The following HMCN2 variants were observed in gnomAD, a reference collection of about 807,000 sequenced individuals.
HMCN2 encodes hemicentin-2.
A neutral mutation model predicts 377.5 loss-of-function variants in HMCN2; 325 were observed. The ratio of observed to expected loss-of-function variants is 0.86; its 90% CI spans 0.79 to 0.94. The LOEUF (loss-of-function observed/expected upper bound fraction) is 0.94. HMCN2 is among the 40% of genes least tolerant of loss of function. HMCN2 has a pLI of 0.00. For synonymous variants in HMCN2, 2,007 were observed against 2,046.8 expected (o/e 0.98, Z 0.53); for missense variants, 4,543 against 4,725.3 (o/e 0.96, Z 1.13).
At position 130,354,828 on chromosome 9, in the gene HMCN2, G is replaced by A. The variant is rs940646509; in HGVS notation, c.4930G>A (p.Val1644Met). The A allele has an allele frequency of 3.8e-6, 5 of 1,304,132 alleles. No individual in the cohort carries two copies. Among genetic ancestry groups the A allele is most frequent in the Non-Finnish European group, 5.1e-6 (5 of 988,936 alleles). The allele number at this position is 1,304,132 out of a possible 1,614,324, so 80.8% of individuals were successfully genotyped here. The change falls in exon 32 of 98, where the codon GTG becomes ATG. Residue 1644 changes from valine to methionine, a missense_variant. Val to Met is a conservative substitution (Grantham distance 21, BLOSUM62 1). This residue lies in a region of HMCN2 where 1,032 missense variants were observed against 1,285.1 expected (regional missense o/e 0.80). Transcript: ENST00000683500. ...YVVKAVAGRP[V>M]ALECVARGHP... ...GGTGAAGGCTGTGGCTGGGAGGCCT[G>A]TGGCGCTGGAGTGCGTGGCCAGAGG... is the stretch of plus-strand genomic sequence containing the variant.
Position 130,347,522 on chromosome 9 carries a change from G to T in HMCN2, c.4024+162G>T, listed in dbSNP as rs1370476148. On this transcript the variant is annotated intron_variant, in intron 26 of 97. Coordinates refer to ENST00000683500, the MANE Select transcript of HMCN2 (RefSeq NM_001291815.2). The surrounding 1 kb of genome is among the most constrained non-coding windows in gnomAD (Gnocchi z 5.1). The stretch of plus-strand genomic sequence containing the variant: ...AGGTGTGGCAGTGCCAGTTCCCCGG[G>T]GCCTGAAAGCTTCCTACACAGGAGA... Among the ~76,000 whole-genome samples, 1 of 152,190 alleles carries T rather than the reference G, an allele frequency of 6.6e-6. No individual in the cohort carries two copies. The highest frequency in any genetic ancestry group is 1.5e-5 in the Non-Finnish European group (1 of 68,036).
At position 130,306,113 on chromosome 9, in the gene HMCN2, A is replaced by C. The variant is rs1564768774; in HGVS notation, c.1817-16A>C. 1 of 470,730 alleles carries C rather than the reference A, an allele frequency of 2.1e-6. No homozygotes were observed. The highest frequency in any genetic ancestry group is 4.4e-6 in the Non-Finnish European group (1 of 226,902). 29.2% of individuals were successfully genotyped at this position (470,730 alleles called of 1,614,324 possible). On this transcript the variant is annotated splice_polypyrimidine_tract_variant and intron_variant, in intron 11 of 97. Transcript: ENST00000683500. ...CTGATGGGCTCATCCTCGCCTATCC[A>C]CTTTTTGGGTCACAGAGGCCCCACA...
At chr9:130,401,308 G>A (rs1247398843) in intron 77 of HMCN2, among the ~76,000 whole-genome samples, 2 of 152,204 alleles carry the variant, frequency 1.3e-5, no homozygotes, top group Admixed American at 6.5e-5. Flanking sequence ...TTTTCTTGAT[G>A]ATATTAAGAT....
At chr9:130,319,860 A>G (rs1463286583) in intron 16 of HMCN2, among the ~76,000 whole-genome samples, 165 bp downstream of exon 16, 1 of 152,012 alleles carries the variant, frequency 6.6e-6, no homozygotes, top group Non-Finnish European at 1.5e-5. Context: ...TGGCCAAGTC[A>G]TTCCACTACT....
At chr9:130,381,571 G>C (rs1272888487) in intron 54 of HMCN2, among the ~76,000 whole-genome samples, 1 of 152,154 alleles carries the variant, frequency 6.6e-6, no homozygotes, top group Non-Finnish European at 1.5e-5. Context: ...GTTTCGCCGT[G>C]TTGGCCAGGT....
chr9:130,403,242 A>G lies in HMCN2; in HGVS notation c.11927A>G (p.Glu3976Gly), dbSNP rs1318926878. Residue 3976 changes from glutamate to glycine, a missense_variant, in exon 79 of 98, where the codon GAG becomes GGG. By Grantham distance (98) the Glu-to-Gly change is moderately conservative. This residue lies in a region of HMCN2 where 1,073 missense variants were observed against 1,319.5 expected (regional missense o/e 0.81). Coordinates refer to ENST00000683500, the MANE Select transcript of HMCN2 (RefSeq NM_001291815.2). ...PLPSVVRAVA[E>G]EEVLLPCEAS... ...CCCAGCGTGGTTCGGGCAGTGGCAG[A>G]GGAGGAGGTGCTGCTGCCCTGCGAG... 1 of 1,289,752 alleles carries G rather than the reference A, an allele frequency of 7.8e-7. No homozygotes were observed. The allele number at this position is 1,289,752 out of a possible 1,614,324, so 79.9% of individuals were successfully genotyped here.
At chr9:130,339,179 C>A (rs1330832986) in intron 23 of HMCN2, among the ~76,000 whole-genome samples, 1 of 151,920 alleles carries the variant, frequency 6.6e-6, no homozygotes, top group East Asian at 2.0e-4. Flanking sequence ...CAGTGCGAGA[C>A]CCTGTCTCAA....
Position 130,418,876 on chromosome 9 carries a change from T to G in HMCN2, c.13066T>G (p.Trp4356Gly), listed in dbSNP as rs768462566. Residue 4356 changes from tryptophan (W) to glycine (G), a missense_variant, in exon 86 of 98, where the codon TGG (tryptophan) becomes GGG (glycine). Transcript: ENST00000683500. ...ATGEPTPTIE[W>G]LQAGQPLRAS... ...TGGAGAGCCCACACCCACCATTGAA[T>G]GGCTACAGGCGGGTCAACCCTTGCG... is the stretch of plus-strand genomic sequence containing the variant. 7.1e-6 allele frequency: 11 copies of G among 1,549,702 alleles called. No individual in the cohort carries two copies. The African/African-American group carries it at 1.5e-4, about 21-fold the overall frequency.
chr9:130,360,260 C>T lies in HMCN2; in HGVS notation c.5774-168C>T, dbSNP rs1242398488. Among the ~76,000 whole-genome samples the T allele has an allele frequency of 1.3e-5, 2 of 152,142 alleles. No individual in the cohort carries two copies. Among genetic ancestry groups the T allele is most frequent in the African/African-American group, 4.8e-5 (2 of 41,400 alleles). ...AGTTTCTCTTGGGTGCCCACCACACCAGCAGAGTCTGACGGGCTGGCAGCA... is the reference window on the plus strand; with the variant it reads ...AGTTTCTCTTGGGTGCCCACCACACTAGCAGAGTCTGACGGGCTGGCAGCA... On this transcript the variant is annotated intron_variant, in intron 37 of 97. Coordinates refer to ENST00000683500, the MANE Select transcript of HMCN2 (RefSeq NM_001291815.2). The surrounding 1 kb of genome is among the most constrained non-coding windows in gnomAD (Gnocchi z 4.7).
chr9:130,429,300 G>T, intron 93 of HMCN2: 1 of 534,610 alleles, frequency 1.9e-6, no homozygotes, highest in Non-Finnish European at 3.3e-6. Flanking sequence ...CTAGAATATG[G>T]AGAGCTCAGC....
chr9:130,301,751 A>G (rs1836527815), intron 8 of HMCN2, among the ~76,000 whole-genome samples: 1 of 152,234 alleles, frequency 6.6e-6, no homozygotes, highest in African/African-American at 2.4e-5. Flanking sequence ...TTCCCGGAGC[A>G]TCTCTGCTGG....
In HMCN2 at chr9:130,269,204, T is replaced by C. The variant is rs1346289161; in HGVS notation, c.259+3067T>C. Among the ~76,000 whole-genome samples, 4 of 147,144 alleles carry C rather than the reference T, an allele frequency of 2.7e-5. No individual in the cohort carries two copies. In the East Asian group the frequency reaches 7.8e-4, roughly 29 times the overall value. ...AATTTTACAGTTTCTAAATTAAAAA[T>C]TGTATGTTCCCAGAGTAGAAAAGTT... is the stretch of plus-strand genomic sequence containing the variant. On this transcript the variant is annotated intron_variant, in intron 1 of 97. Coordinates refer to ENST00000683500, the MANE Select transcript of HMCN2 (RefSeq NM_001291815.2).
chr9:130,373,730 TA>T (rs1357705324), intron 48 of HMCN2, among the ~76,000 whole-genome samples: 104 of 62,434 alleles, frequency 1.7e-3, no homozygotes, highest in Middle Eastern at 9.1e-3. Context: ...GATGGATGGA[TA>T]GGTAGGTGGA....
intron 56 of HMCN2, among the ~76,000 whole-genome samples, chr9:130,383,267 T>G (rs1301186886): frequency 4.6e-5 from 7 of 151,480 alleles, no homozygotes; most frequent in Non-Finnish European, 7.4e-5. Context: ...TCCACAGGGG[T>G]GGGGGAGGCT....
chr9:130,403,699 G>A lies in HMCN2; in HGVS notation c.12014-42G>A, dbSNP rs1202010975. 4.7e-6 allele frequency: 6 copies of A among 1,284,392 alleles called. No individual in the cohort carries two copies. In the Admixed American group the frequency reaches 1.2e-4, roughly 25 times the overall value. The allele number at this position is 1,284,392 out of a possible 1,614,324, so 79.6% of individuals were successfully genotyped here. ...AATCTGCCCACCTCGGGGGTCCCCA[G>A]TCCCAGTTCCCAGGCCCCCGATTTT... On this transcript the variant is annotated intron_variant, in intron 79 of 97. Transcript: ENST00000683500.
chr9:130,415,043 C>T (rs575497283), intron 85 of HMCN2, among the ~76,000 whole-genome samples: 8 of 152,198 alleles, frequency 5.3e-5, no homozygotes, highest in East Asian at 1.9e-4. Context: ...CCACTTGAAG[C>T]GCCAACTCCC....
At chr9:130,344,293 A>G (rs1269744090) in intron 25 of HMCN2, among the ~76,000 whole-genome samples, 2 of 150,744 alleles carry the variant, frequency 1.3e-5, no homozygotes, top group Non-Finnish European at 3.0e-5. Context: ...TATGTGGTGT[A>G]TGTGTCATGT....
At chr9:130,346,467 G>A (rs2131501279) in intron 25 of HMCN2, among the ~76,000 whole-genome samples, 2 of 151,892 alleles carry the variant, frequency 1.3e-5, no homozygotes, top group South Asian at 4.2e-4. Context: ...CACTCACGGT[G>A]GGGCTGGAGG....
chr9:130,348,538 C>G lies in HMCN2; in HGVS notation c.4025-7C>G, dbSNP rs1301308972. The G allele has an allele frequency of 7.7e-7, 1 of 1,303,690 alleles. No homozygotes were observed. The highest frequency in any genetic ancestry group is 2.3e-5 in the Admixed American group (1 of 43,562). The allele number at this position is 1,303,690 out of a possible 1,614,324, so 80.8% of individuals were successfully genotyped here. ...GAAGCAGCTCCTCGGCTCTCCTTGC[C>G]CCCAAGTGCCCCCCAGCATCCGGGA... On this transcript the variant is annotated splice_polypyrimidine_tract_variant and splice_region_variant and intron_variant, in intron 26 of 97. Transcript: ENST00000683500.
Sources: allele counts gnomAD v4.1 joint callset (sites outside exome capture counted in the v4.1 genomes callset), GRCh38; gene constraint gnomAD v4.1.1; regional missense constraint gnomAD v4.1.1; non-coding constraint Gnocchi (gnomAD v3.1); transcripts MANE v1.5; gene names NCBI Gene and HGNC (gene_info 2026-07-23, HGNC 2026-07-21).